The following ERC1 variants were observed in gnomAD, a reference collection of about 807,000 sequenced individuals.
ERC1 encodes the protein RAB6 interacting protein 2.
In ERC1, 56 loss-of-function variants were observed where a neutral mutation model predicts 132.0. The observed-to-expected ratio is 0.42, with a 90% CI of 0.34 to 0.53. ERC1 has a LOEUF of 0.53. Ranked by LOEUF, ERC1 falls within the 20% of genes least tolerant of loss-of-function variation. The probability of loss-of-function intolerance (pLI) is 0.03; values close to 1 mark genes in which losing one functional copy is unlikely to be tolerated. For synonymous variants in ERC1, 478 were observed against 476.1 expected (o/e 1.00, Z -0.05); for missense variants, 1,202 against 1,349.9 (o/e 0.89, Z 1.72).
At chr12:1,455,981 T>C (rs1010244476) in intron 18 of ERC1, among the ~76,000 whole-genome samples, 1 of 152,216 alleles carries the variant, frequency 6.6e-6, no homozygotes, top group Non-Finnish European at 1.5e-5. Context: ...CTCAGGTGTA[T>C]GATCTTTCTC....
intron 2 of ERC1, among the ~76,000 whole-genome samples, chr12:1,082,132 A>G (rs967455401): frequency 6.6e-6 from 1 of 151,808 alleles, no homozygotes; most frequent in Non-Finnish European, 1.5e-5. Context: ...AGTTCAAGCA[A>G]TTCTTCTGCC....
intron 17 of ERC1, among the ~76,000 whole-genome samples, chr12:1,437,946 TA>T (rs1468476922): frequency 6.6e-6 from 1 of 152,224 alleles, no homozygotes; most frequent in Non-Finnish European, 1.5e-5. Flanking sequence ...TGACAGACCA[TA>T]AAACCCTTTC....
rs1466002883 is a variant in ERC1, at chr12:1,408,153, A to G, written c.2930A>G (p.Gln977Arg). Residue 977 changes from glutamine (Q) to arginine (R), a missense_variant, in exon 17 of 19, where the codon CAA (glutamine) becomes CGA (arginine). Coordinates refer to ENST00000360905, the MANE Select transcript of ERC1 (RefSeq NM_178040.4). ...TTATGAATAATTTCTTCCTAGACGC[A>G]AAATCGAATGAAGCTAATGGCCGAC... Reference protein sequence around the residue: ...RLVQQLKQQTQNRMKLMADNY... With the variant: ...RLVQQLKQQTRNRMKLMADNY... 6.2e-7 allele frequency: 1 copy of G among 1,612,892 alleles called. No homozygotes were observed. The highest frequency in any genetic ancestry group is 8.5e-7 in the Non-Finnish European group (1 of 1,179,086).
At chr12:1,162,906 A>T (rs920204291) in intron 8 of ERC1, among the ~76,000 whole-genome samples, 1 of 152,072 alleles carries the variant, frequency 6.6e-6, no homozygotes, top group African/African-American at 2.4e-5. Flanking sequence ...TCTTTCCTTT[A>T]CTTATAATTG....
intron 12 of ERC1, among the ~76,000 whole-genome samples, chr12:1,193,179 GAAAT>G (rs1303606499): frequency 1.3e-5 from 2 of 152,120 alleles, no homozygotes; most frequent in East Asian, 1.9e-4. Context: ...GTGATCTAAA[GAAAT>G]AAATAAATAG....
intron 14 of ERC1, among the ~76,000 whole-genome samples, chr12:1,281,143 G>A (rs1210557033): frequency 6.6e-6 from 1 of 152,134 alleles, no homozygotes; most frequent in African/African-American, 2.4e-5. Flanking sequence ...TTTGATCTTA[G>A]AAGAAGGGCT....
At chr12:1,302,101 A>C (rs1049058150) in intron 15 of ERC1, among the ~76,000 whole-genome samples, 2 of 152,242 alleles carry the variant, frequency 1.3e-5, no homozygotes, top group African/African-American at 4.8e-5. Context: ...AAAAGTCCCT[A>C]ACAAAACCTT....
chr12:1,311,984 T>C (rs759334558), intron 15 of ERC1, among the ~76,000 whole-genome samples: 2 of 152,260 alleles, frequency 1.3e-5, no homozygotes, highest in Non-Finnish European at 2.9e-5. Flanking sequence ...TAGTTTATTA[T>C]TTGAAAACTA....
At chr12:1,481,985 G>A (rs1195756641) in intron 18 of ERC1, among the ~76,000 whole-genome samples, 1 of 152,086 alleles carries the variant, frequency 6.6e-6, no homozygotes, top group Non-Finnish European at 1.5e-5. Flanking sequence ...TAGTCATGCT[G>A]CCATTTTTCT....
intron 12 of ERC1, among the ~76,000 whole-genome samples, chr12:1,226,877 A>G (rs995486393): frequency 8.5e-5 from 13 of 152,246 alleles, no homozygotes; most frequent in African/African-American, 2.9e-4. Flanking sequence ...GGGTTGCGCC[A>G]TGTTGGCCAG....
At position 1,418,251 on chromosome 12, in the gene ERC1, G is replaced by A. The variant is rs550059305; in HGVS notation, c.3024+10004G>A. Among the ~76,000 whole-genome samples, 5 of 152,310 alleles carry A rather than the reference G, an allele frequency of 3.3e-5. No homozygotes were observed. In the East Asian group the frequency reaches 9.6e-4, roughly 29 times the overall value. On this transcript the variant is annotated intron_variant, in intron 17 of 18. Coordinates refer to ENST00000360905, the MANE Select transcript of ERC1 (RefSeq NM_178040.4). ...CCCAAAATATGGCACGTTGGCATTG[G>A]ATACAACAACAGAAGCAGGAAGGTC...
chr12:1,419,446 G>A (rs911672192), intron 17 of ERC1, among the ~76,000 whole-genome samples: 3 of 149,180 alleles, frequency 2.0e-5, no homozygotes, highest in African/African-American at 5.0e-5. Flanking sequence ...GCCTCCAAGA[G>A]TGTGGTCTTT....
chr12:1,299,507 T>G (rs1768225668), intron 15 of ERC1, among the ~76,000 whole-genome samples: 1 of 152,184 alleles, frequency 6.6e-6, no homozygotes. Flanking sequence ...GTGGTTAGAA[T>G]GAAATTTTTA....
intron 7 of ERC1, among the ~76,000 whole-genome samples, chr12:1,129,141 A>T (rs1272404502): frequency 6.6e-6 from 1 of 152,208 alleles, no homozygotes; most frequent in Admixed American, 6.5e-5. Context: ...AAATATCTAC[A>T]CCTACATACA....
chr12:1,180,754 G>A, intron 9 of ERC1, 77 bp downstream of exon 9: 2 of 1,550,284 alleles, frequency 1.3e-6, no homozygotes, highest in Non-Finnish European at 1.8e-6. Context: ...GAATACAAAA[G>A]AAATCCCTGT....
chr12:1,048,977 C>G (rs1805457693), intron 2 of ERC1, among the ~76,000 whole-genome samples: 1 of 152,144 alleles, frequency 6.6e-6, no homozygotes, highest in African/African-American at 2.4e-5. Context: ...TGAGTAGATT[C>G]AGCTAAATAA....
Position 1,201,902 on chromosome 12 carries a change from G to T in ERC1, c.2351+11850G>T, listed in dbSNP as rs542839969. Among the ~76,000 whole-genome samples, 3 of 152,286 alleles carry T rather than the reference G, an allele frequency of 2.0e-5. No homozygotes were observed. In the South Asian group the frequency reaches 6.2e-4, roughly 32 times the overall value. On this transcript the variant is annotated intron_variant, in intron 12 of 18. Coordinates refer to ENST00000360905, the MANE Select transcript of ERC1 (RefSeq NM_178040.4). ...TGTCAGAGAATATGCTCTTAATGTG[G>T]TTAGAGTGGAAGAGAGATGACTGGG... is the stretch of plus-strand genomic sequence containing the variant.
intron 15 of ERC1, among the ~76,000 whole-genome samples, chr12:1,293,140 T>C (rs530694478): frequency 4.4e-5 from 5 of 114,300 alleles, no homozygotes; most frequent in East Asian, 2.5e-4. Context: ...CAAGACTCCA[T>C]CTCAAAAAAA....
At chr12:1,379,322 T>C (rs549794717) in intron 16 of ERC1, among the ~76,000 whole-genome samples, 43 of 152,356 alleles carry the variant, frequency 2.8e-4, no homozygotes, top group African/African-American at 9.1e-4. Context: ...GCTAAAGTTC[T>C]GGTACTGCAT....
Sources: gnomAD v4.1 joint callset for allele counts (sites outside exome capture counted in the v4.1 genomes callset) on GRCh38, gnomAD v4.1.1 for gene constraint, MANE v1.5 for transcripts, NCBI Gene and HGNC (gene_info 2026-07-23, HGNC 2026-07-21) for gene names.